The following PPARGC1A variants were observed in gnomAD, a reference collection of about 807,000 sequenced individuals.
PPARGC1A encodes PPARG coactivator 1 alpha.
A neutral mutation model predicts 88.7 loss-of-function variants in PPARGC1A; 25 were observed. The ratio of observed to expected loss-of-function variants is 0.28; its 90% CI spans 0.21 to 0.39. The LOEUF (loss-of-function observed/expected upper bound fraction) is 0.39. PPARGC1A is among the 10% of genes least tolerant of loss of function. The pLI, the probability that PPARGC1A is intolerant of heterozygous loss-of-function variation, is 1.00. For missense variants in PPARGC1A, 880 were observed against 968.7 expected (o/e 0.91, Z 1.22); for synonymous variants, 363 against 355.6 (o/e 1.02, Z -0.24).
intron 2 of PPARGC1A, among the ~76,000 whole-genome samples, chr4:23,862,155 G>T (rs2148716256): frequency 6.6e-6 from 1 of 152,308 alleles, no homozygotes; most frequent in South Asian, 2.1e-4. Context: ...AGTAGGGCAT[G>T]AACTGATCTG....
At chr4:24,403,522 C>T in the PPARGC1A span, among the ~76,000 whole-genome samples, 4,823 of 152,296 alleles carry the variant, frequency 0.032, 165 homozygotes, top group East Asian at 0.15. Context: ...CACAGCATTC[C>T]ACCCAGTGCG....
At chr4:24,386,984 C>T in the PPARGC1A span, among the ~76,000 whole-genome samples, 443 of 152,286 alleles carry the variant, frequency 2.9e-3, 2 homozygotes, top group African/African-American at 0.01. Flanking sequence ...TACCCGACTT[C>T]AAACTATACT....
chr4:23,998,980 G>A, the PPARGC1A span, among the ~76,000 whole-genome samples: 2 of 152,342 alleles, frequency 1.3e-5, no homozygotes, highest in Middle Eastern at 3.4e-3. Context: ...CATGCACATT[G>A]AGATCAATCT....
At chr4:24,340,003 C>G in the PPARGC1A span, among the ~76,000 whole-genome samples, 3 of 152,138 alleles carry the variant, frequency 2.0e-5, no homozygotes, top group Non-Finnish European at 2.9e-5. Flanking sequence ...TCCCAAAGTG[C>G]TGAGATTACA....
In PPARGC1A at chr4:23,795,846, T is replaced by C. The variant is rs199695840; in HGVS notation, c.2373A>G (p.Glu791=). The C allele has an allele frequency of 4.8e-5, 78 of 1,611,786 alleles. No homozygotes were observed. The African/African-American group carries it at 8.6e-4, about 18-fold the overall frequency. ...DSLDFDSLLK[E]AQRSLRR is the part of the protein sequence containing the mutation. Reference sequence around the variant, plus strand: ...GTTACCTGCGCAAGCTTCTCTGAGCTTCTTTCAGTAAACTATCAAAATCCA... The same window carrying C: ...GTTACCTGCGCAAGCTTCTCTGAGCCTCTTTCAGTAAACTATCAAAATCCA... Residue 791 remains glutamate, a synonymous_variant, in exon 13 of 13, where the codon GAA becomes GAG. Transcript: ENST00000264867.
At chr4:24,441,184 G>A in the PPARGC1A span, among the ~76,000 whole-genome samples, 1 of 152,204 alleles carries the variant, frequency 6.6e-6, no homozygotes, top group Non-Finnish European at 1.5e-5. Flanking sequence ...ACAAGCTCCA[G>A]TCATCACCCA....
the PPARGC1A span, among the ~76,000 whole-genome samples, chr4:24,370,749 C>CTTTTTTT: frequency 1.1e-3 from 68 of 62,924 alleles, no homozygotes; most frequent in African/African-American, 1.9e-3. Context: ...CTGTCTCTCT[C>CTTTTTTT]TTTTTTTTTT....
At chr4:23,909,816 G>A in the PPARGC1A span, among the ~76,000 whole-genome samples, 1 of 151,630 alleles carries the variant, frequency 6.6e-6, no homozygotes, top group African/African-American at 2.4e-5. Flanking sequence ...TTTGGTAAAT[G>A]TTAGTTCTTC....
chr4:23,979,929 C>G, the PPARGC1A span, among the ~76,000 whole-genome samples: 1 of 152,066 alleles, frequency 6.6e-6, no homozygotes. Context: ...CTATGAACAG[C>G]CTTATTGGGG....
At chr4:23,982,047 C>G in the PPARGC1A span, among the ~76,000 whole-genome samples, 15 of 152,100 alleles carry the variant, frequency 9.9e-5, no homozygotes, top group Non-Finnish European at 1.9e-4. Context: ...GAAAATGACA[C>G]CTTTTCATCT....
chr4:24,011,062 T>C, the PPARGC1A span, among the ~76,000 whole-genome samples: 1 of 152,152 alleles, frequency 6.6e-6, no homozygotes, highest in Non-Finnish European at 1.5e-5. Flanking sequence ...AATAGGACCT[T>C]TGCAGATTCC....
the PPARGC1A span, among the ~76,000 whole-genome samples, chr4:24,000,269 C>T: frequency 2.0e-5 from 3 of 152,100 alleles, no homozygotes; most frequent in African/African-American, 7.2e-5. Context: ...TTCCCTCTGA[C>T]ATGAATCTCA....
chr4:24,337,649 T>C, the PPARGC1A span, among the ~76,000 whole-genome samples: 16 of 144,602 alleles, frequency 1.1e-4, no homozygotes, highest in Admixed American at 4.2e-4. Context: ...TCATTTACCC[T>C]CAGAACACCT....
At chr4:24,008,744 C>G in the PPARGC1A span, among the ~76,000 whole-genome samples, 1 of 151,846 alleles carries the variant, frequency 6.6e-6, no homozygotes, top group African/African-American at 2.4e-5. Flanking sequence ...AATCTAATCA[C>G]TAGAAGGGCA....
At chr4:24,059,603 C>T in the PPARGC1A span, among the ~76,000 whole-genome samples, 1 of 152,352 alleles carries the variant, frequency 6.6e-6, no homozygotes, top group African/African-American at 2.4e-5. Context: ...ATCGCTCCCA[C>T]AGCCCGCATC....
intron 2 of PPARGC1A, among the ~76,000 whole-genome samples, chr4:23,859,262 T>C (rs897737414): frequency 6.6e-6 from 1 of 152,180 alleles, no homozygotes; most frequent in African/African-American, 2.4e-5. Context: ...CAAGACAAGA[T>C]TCTTAAAGAT....
chr4:23,955,508 C>T, the PPARGC1A span, among the ~76,000 whole-genome samples: 22 of 152,154 alleles, frequency 1.4e-4, no homozygotes, highest in African/African-American at 4.1e-4. Flanking sequence ...TTTATTACTA[C>T]GATTCCTCTA....
At chr4:24,266,910 T>C in the PPARGC1A span, among the ~76,000 whole-genome samples, 1 of 152,192 alleles carries the variant, frequency 6.6e-6, no homozygotes, top group African/African-American at 2.4e-5. Flanking sequence ...GGAAAATATA[T>C]CCTGAAACTT....
chr4:24,472,228 G>A, the PPARGC1A span, among the ~76,000 whole-genome samples: 2 of 152,060 alleles, frequency 1.3e-5, no homozygotes, highest in African/African-American at 2.4e-5. The surrounding 1 kb of genome is among the most constrained non-coding windows in gnomAD (Gnocchi z 4.5). Context: ...TCCTCTCGCC[G>A]GTTGGCGCTG....
Sources: allele counts gnomAD v4.1 joint callset (sites outside exome capture counted in the v4.1 genomes callset), GRCh38; gene constraint gnomAD v4.1.1; non-coding constraint Gnocchi (gnomAD v3.1); transcripts MANE v1.5; gene names NCBI Gene and HGNC (gene_info 2026-07-23, HGNC 2026-07-21).